FAR2: variants seen among roughly 807,000 people sequenced by gnomAD.
FAR2 encodes fatty acyl-CoA reductase 2, also known as epididymis secretory protein Li 81.
A neutral mutation model predicts 56.0 loss-of-function variants in FAR2; 19 were observed. The ratio of observed to expected loss-of-function variants is 0.34; its 90% CI spans 0.24 to 0.50. FAR2 has a LOEUF of 0.50. Among genes scored for constraint, FAR2 ranks in the 20% least tolerant of loss-of-function variants. FAR2 has a pLI of 0.98. For missense variants in FAR2, 508 were observed against 642.2 expected (o/e 0.79, Z 2.26); for synonymous variants, 219 against 218.8 (o/e 1.00, Z -0.01).
At chr12:29,316,467 G>A (rs1424351973) in intron 8 of FAR2, among the ~76,000 whole-genome samples, 2 of 152,108 alleles carry the variant, frequency 1.3e-5, no homozygotes, top group Non-Finnish European at 1.5e-5. Context: ...GAAAGTAATG[G>A]TCCAGCCAGG....
intron 2 of FAR2, among the ~76,000 whole-genome samples, chr12:29,280,224 T>C (rs1167573333): frequency 6.6e-6 from 1 of 152,182 alleles, no homozygotes; most frequent in East Asian, 1.9e-4. Flanking sequence ...TACTCCCGGC[T>C]AAATGTTAGT....
At chr12:29,220,832 G>T (rs1373172296) in intron 1 of FAR2, among the ~76,000 whole-genome samples, 1 of 152,124 alleles carries the variant, frequency 6.6e-6, no homozygotes, top group Non-Finnish European at 1.5e-5. Context: ...ATCAAAGGAA[G>T]TAAAGTACAC....
At chr12:29,286,935 A>C (rs536985435) in intron 2 of FAR2, among the ~76,000 whole-genome samples, 1 of 152,354 alleles carries the variant, frequency 6.6e-6, no homozygotes, top group African/African-American at 2.4e-5. Flanking sequence ...AGAATACGAT[A>C]GTCAGGTGGT....
rs191335190 is a variant in FAR2 at position 29,208,694 on chromosome 12, A to G, written c.-39+59287A>G. On this transcript the variant is annotated intron_variant, in intron 1 of 11. Transcript: ENST00000536681. ...CCTGTTGGCCAGTCTAGCTCTGGAG[A>G]CAAAATTATAAAATATGAGCTAATT... Among the ~76,000 whole-genome samples, 7 of 152,304 alleles carry G rather than the reference A, an allele frequency of 4.6e-5. No individual in the cohort carries two copies. The Middle Eastern group carries it at 0.01, about 222-fold the overall frequency.
intron 3 of FAR2, 115 bp from the exon 4 acceptor site, chr12:29,296,906 T>C: frequency 1.1e-6 from 1 of 891,932 alleles, no homozygotes; most frequent in Non-Finnish European, 1.7e-6. Flanking sequence ...TTCCTGGTGT[T>C]TTGGTGCGGC....
At chr12:29,206,021 T>A (rs1947474733) in intron 1 of FAR2, among the ~76,000 whole-genome samples, 1 of 152,192 alleles carries the variant, frequency 6.6e-6, no homozygotes, top group South Asian at 2.1e-4. Context: ...TATTAAATAG[T>A]GTTTCCCTTT....
At chr12:29,228,569 T>C (rs961139897) in intron 1 of FAR2, among the ~76,000 whole-genome samples, 12 of 140,754 alleles carry the variant, frequency 8.5e-5, no homozygotes, top group African/African-American at 3.2e-4. Context: ...TTCTGTATAT[T>C]AGTGAAACTC....
At chr12:29,327,254 A>G (rs1405795297) in intron 10 of FAR2, among the ~76,000 whole-genome samples, 5 of 152,126 alleles carry the variant, frequency 3.3e-5, no homozygotes, top group South Asian at 2.1e-4. Context: ...AAATAAAAGA[A>G]GATACAAACA....
chr12:29,279,225 C>G (rs1948748343), intron 2 of FAR2, among the ~76,000 whole-genome samples: 1 of 152,196 alleles, frequency 6.6e-6, no homozygotes. Context: ...AATCATCTTT[C>G]ATTTCTCATG....
chr12:29,217,921 CAT>C (rs1947641423), intron 1 of FAR2, among the ~76,000 whole-genome samples: 1 of 150,922 alleles, frequency 6.6e-6, no homozygotes, highest in South Asian at 2.1e-4. Context: ...AGAAAAGAAA[CAT>C]AAAATGAACT....
intron 10 of FAR2, among the ~76,000 whole-genome samples, chr12:29,324,235 A>T (rs1949604847): frequency 6.6e-6 from 1 of 152,244 alleles, no homozygotes; most frequent in Non-Finnish European, 1.5e-5. Flanking sequence ...CCTCCAAGAA[A>T]TATGGGACTA....
chr12:29,276,440 T>C (rs1043686626), intron 2 of FAR2, among the ~76,000 whole-genome samples: 10 of 152,206 alleles, frequency 6.6e-5, no homozygotes, highest in Non-Finnish European at 1.0e-4. Context: ...CAAGAACAGA[T>C]TCTATCACCT....
At chr12:29,326,534 C>T (rs1354720100) in intron 10 of FAR2, among the ~76,000 whole-genome samples, 832 of 92,456 alleles carry the variant, frequency 9.0e-3, no homozygotes, top group East Asian at 0.021. Flanking sequence ...TCCAGCAACA[C>T]ATCAAAAAGC....
intron 1 of FAR2, among the ~76,000 whole-genome samples, chr12:29,239,685 A>G (rs1488221402): frequency 6.6e-6 from 1 of 152,184 alleles, no homozygotes; most frequent in East Asian, 1.9e-4. Flanking sequence ...ATATTTTTTC[A>G]AAGTGCAAAG....
chr12:29,168,456 C>T (rs886860430), intron 1 of FAR2, among the ~76,000 whole-genome samples: 1 of 152,226 alleles, frequency 6.6e-6, no homozygotes, highest in Non-Finnish European at 1.5e-5. Flanking sequence ...TTCTAAAGAA[C>T]AGGCTCAGAA....
intron 1 of FAR2, among the ~76,000 whole-genome samples, chr12:29,242,912 A>G (rs1948061871): frequency 6.6e-6 from 1 of 152,226 alleles, no homozygotes; most frequent in Non-Finnish European, 1.5e-5. Context: ...AAAAATGGGT[A>G]TAATAGTTAT....
At chr12:29,312,012 A>G (rs559969655) in intron 8 of FAR2, 62 bp downstream of exon 8, 11 of 1,244,656 alleles carry the variant, frequency 8.8e-6, no homozygotes, top group Non-Finnish European at 1.3e-5. Flanking sequence ...AAAAGTTGAC[A>G]AAGTGTGTCA....
At chr12:29,253,542 C>A (rs544551853) in intron 1 of FAR2, among the ~76,000 whole-genome samples, 2 of 151,922 alleles carry the variant, frequency 1.3e-5, no homozygotes, top group East Asian at 3.9e-4. Flanking sequence ...TTTGAAAAAG[C>A]CTTTAATTCT....
intron 10 of FAR2, among the ~76,000 whole-genome samples, chr12:29,324,778 C>G (rs1173256710): frequency 6.6e-6 from 1 of 152,140 alleles, no homozygotes; most frequent in Non-Finnish European, 1.5e-5. Context: ...ACAACTGATA[C>G]CAGCCACTGC....
Sources: gnomAD v4.1 joint callset for allele counts (sites outside exome capture counted in the v4.1 genomes callset) on GRCh38, gnomAD v4.1.1 for gene constraint, MANE v1.5 for transcripts, NCBI Gene and HGNC (gene_info 2026-07-23, HGNC 2026-07-21) for gene names.